PDE3B: variants seen among roughly 807,000 people sequenced by gnomAD.
The protein encoded by PDE3B is phosphodiesterase 3B.
In PDE3B, 66 loss-of-function variants were observed where a neutral mutation model predicts 116.8. That is an observed-to-expected ratio of 0.56 (90% CI 0.46 to 0.69). The LOEUF (loss-of-function observed/expected upper bound fraction) is 0.69. Ranked by LOEUF, PDE3B falls within the 30% of genes least tolerant of loss-of-function variation. The pLI is 0.00. For missense variants in PDE3B, 1,384 were observed against 1,368.1 expected, an observed-to-expected ratio of 1.01 and a Z score of -0.18; for synonymous variants, 595 against 533.6, an observed-to-expected ratio of 1.12 and a Z score of -1.59.
At chr11:14,777,009 A>G (rs1300749064) in intron 2 of PDE3B, among the ~76,000 whole-genome samples, 1 of 152,228 alleles carries the variant, frequency 6.6e-6, no homozygotes, top group African/African-American at 2.4e-5. Flanking sequence ...ATTACAAAGT[A>G]TCTTGAAACA....
chr11:14,783,504 C>T (rs888181636), intron 2 of PDE3B, among the ~76,000 whole-genome samples: 16 of 151,970 alleles, frequency 1.1e-4, no homozygotes, highest in African/African-American at 3.9e-4. Context: ...CAAGCTATCG[C>T]AAGGACAGAA....
chr11:14,695,557 T>G (rs879651561), intron 1 of PDE3B, among the ~76,000 whole-genome samples: 39 of 152,212 alleles, frequency 2.6e-4, no homozygotes, highest in Non-Finnish European at 5.3e-4. Context: ...ATGTTCAGGA[T>G]GTGCAGGTTA....
At chr11:14,679,740 C>A (rs1565088649) in intron 1 of PDE3B, among the ~76,000 whole-genome samples, 1 of 151,758 alleles carries the variant, frequency 6.6e-6, no homozygotes, top group African/African-American at 2.4e-5. Flanking sequence ...CAACTTAAAT[C>A]TTCTTTTCTT....
intron 1 of PDE3B, among the ~76,000 whole-genome samples, chr11:14,721,405 C>G (rs1856073062): frequency 1.3e-5 from 2 of 150,674 alleles, no homozygotes; most frequent in South Asian, 4.2e-4. Flanking sequence ...ACCATTTGAC[C>G]CAGCCATCCC....
intron 11 of PDE3B, among the ~76,000 whole-genome samples, chr11:14,835,928 GA>G (rs1860038596): frequency 6.6e-6 from 1 of 152,202 alleles, no homozygotes; most frequent in Non-Finnish European, 1.5e-5. Flanking sequence ...TCATTGCACT[GA>G]CATATATCAA....
At chr11:14,663,851 G>C (rs1309159682) in intron 1 of PDE3B, among the ~76,000 whole-genome samples, 2 of 151,942 alleles carry the variant, frequency 1.3e-5, no homozygotes, top group Non-Finnish European at 1.5e-5. Flanking sequence ...GTCAACATTA[G>C]ATCAACAAGA....
intron 11 of PDE3B, among the ~76,000 whole-genome samples, chr11:14,843,051 T>C (rs1475893900): frequency 6.6e-6 from 1 of 152,202 alleles, no homozygotes; most frequent in African/African-American, 2.4e-5. Flanking sequence ...ATAGTTTCTT[T>C]TTCCTTCTTA....
At chr11:14,759,501 G>A (rs915170826) in intron 1 of PDE3B, among the ~76,000 whole-genome samples, 4 of 151,154 alleles carry the variant, frequency 2.6e-5, no homozygotes, top group Non-Finnish European at 5.9e-5. Flanking sequence ...AAATTGGTAG[G>A]CCACTTCTGC....
chr11:14,737,119 T>C (rs540180088), intron 1 of PDE3B, among the ~76,000 whole-genome samples: 4 of 152,092 alleles, frequency 2.6e-5, no homozygotes, highest in African/African-American at 9.6e-5. Flanking sequence ...TTGTAAAACA[T>C]TTAGAACGAA....
chr11:14,770,605 C>T (rs368911846), intron 1 of PDE3B, among the ~76,000 whole-genome samples: 1 of 151,402 alleles, frequency 6.6e-6, no homozygotes, highest in Non-Finnish European at 1.5e-5. Flanking sequence ...ACATTTAGGA[C>T]CATATAAAAT....
intron 1 of PDE3B, among the ~76,000 whole-genome samples, chr11:14,654,447 C>T (rs1487214185): frequency 2.0e-5 from 3 of 151,984 alleles, no homozygotes; most frequent in South Asian, 2.1e-4. Flanking sequence ...ATCAGTGCCC[C>T]GCAAAACTAT....
At chr11:14,821,343 G>A (rs548880037) in intron 7 of PDE3B, among the ~76,000 whole-genome samples, 2 of 152,280 alleles carry the variant, frequency 1.3e-5, no homozygotes, top group South Asian at 4.1e-4. Context: ...ATTCCAGAGG[G>A]TTGGTAAATA....
chr11:14,685,640 G>C (rs11023305), intron 1 of PDE3B, among the ~76,000 whole-genome samples: 1 of 151,712 alleles, frequency 6.6e-6, no homozygotes, highest in Non-Finnish European at 1.5e-5. Context: ...ATTTTTAGTA[G>C]AGACAGGGTT....
chr11:14,821,887 C>T (rs924568669), intron 7 of PDE3B, among the ~76,000 whole-genome samples: 1 of 151,634 alleles, frequency 6.6e-6, no homozygotes, highest in African/African-American at 2.4e-5. Flanking sequence ...AACTCAACTC[C>T]AATGATTACT....
At chr11:14,843,457 C>T (rs1417040497) in intron 11 of PDE3B, among the ~76,000 whole-genome samples, 1 of 152,054 alleles carries the variant, frequency 6.6e-6, no homozygotes, top group Non-Finnish European at 1.5e-5. Flanking sequence ...AAATTTTATT[C>T]TCTAGTATTG....
chr11:14,793,614 T>G (rs1858458005), intron 4 of PDE3B, among the ~76,000 whole-genome samples: 1 of 152,176 alleles, frequency 6.6e-6, no homozygotes, highest in African/African-American at 2.4e-5. Context: ...TCAAACAGCA[T>G]ATATTCAGGG....
intron 1 of PDE3B, among the ~76,000 whole-genome samples, chr11:14,756,744 A>G (rs1449303095): frequency 1.3e-5 from 2 of 152,130 alleles, no homozygotes; most frequent in Admixed American, 6.5e-5. Flanking sequence ...TGCATGAGCA[A>G]TCTGGACTAC....
chr11:14,745,707 A>G (rs1856893423), intron 1 of PDE3B, among the ~76,000 whole-genome samples: 1 of 151,914 alleles, frequency 6.6e-6, no homozygotes, highest in South Asian at 2.1e-4. Flanking sequence ...TCCTCGCTAT[A>G]CTTTTTCCCT....
the PDE3B span, among the ~76,000 whole-genome samples, chr11:14,884,780 A>G: frequency 4.6e-5 from 7 of 152,254 alleles, no homozygotes; most frequent in African/African-American, 1.7e-4. Context: ...TATGATAAAA[A>G]CAGTCTAAAC....
Sources: gnomAD v4.1 joint callset for allele counts (sites outside exome capture counted in the v4.1 genomes callset) on GRCh38, gnomAD v4.1.1 for gene constraint, MANE v1.5 for transcripts, NCBI Gene and HGNC (gene_info 2026-07-23, HGNC 2026-07-21) for gene names.